The following CELA3A variants were observed in gnomAD, a reference collection of about 807,000 sequenced individuals.
CELA3A encodes chymotrypsin-like elastase family member 3A.
A neutral mutation model predicts 38.6 loss-of-function variants in CELA3A; 35 were observed. The observed-to-expected ratio is 0.91, with a 90% CI of 0.69 to 1.20. The LOEUF (loss-of-function observed/expected upper bound fraction) is 1.20, where lower values mean the gene tolerates loss of function less well. Among genes scored for constraint, CELA3A ranks in the 50% most tolerant of loss-of-function variants. CELA3A has a pLI of 0.00. For missense variants in CELA3A, 343 were observed against 354.2 expected (o/e 0.97, Z 0.25); for synonymous variants, 143 against 136.7 (o/e 1.05, Z -0.32).
At chr1:22,007,035 C>T in intron 5 of CELA3A, 21 bp downstream of exon 5, 1 of 1,610,196 alleles carries the variant, frequency 6.2e-7, no homozygotes, top group East Asian at 2.2e-5. Context: ...ACTTCTCTAG[C>T]TGGCCACAGA....
intron 2 of CELA3A, among the ~76,000 whole-genome samples, chr1:22,004,221 G>A (rs4543770): frequency 0.044 from 6,548 of 150,320 alleles, 490 homozygotes; most frequent in African/African-American, 0.12. Flanking sequence ...ACAGGCATGC[G>A]CCACCATGCC....
At chr1:22,003,477 G>GTGGAA (rs1644930159) in intron 2 of CELA3A, among the ~76,000 whole-genome samples, 3 of 150,742 alleles carry the variant, frequency 2.0e-5, no homozygotes, top group Admixed American at 6.6e-5. Flanking sequence ...GGCCAGTGGA[G>GTGGAA]GGAAGCTCAG....
At chr1:22,010,886 G>T in intron 7 of CELA3A, 1 of 149,526 alleles carries the variant, frequency 6.7e-6, no homozygotes, top group South Asian at 2.1e-4. Context: ...AAAGTAGTAG[G>T]ATCACACCTG....
chr1:22,004,716 T>C (rs571300571), intron 2 of CELA3A, among the ~76,000 whole-genome samples: 2 of 151,540 alleles, frequency 1.3e-5, no homozygotes, highest in South Asian at 4.2e-4. Context: ...AAAATCAGAA[T>C]GTGTAGGAAA....
At chr1:22,004,105 T>C (rs1366150313) in intron 2 of CELA3A, among the ~76,000 whole-genome samples, 2 of 144,566 alleles carry the variant, frequency 1.4e-5, no homozygotes, top group African/African-American at 5.2e-5. Flanking sequence ...AGGGTCTTGC[T>C]GTGTTGCCCA....
Position 22,003,063 on chromosome 1 carries a change from C to T in CELA3A, c.104C>T (p.Ala35Val), listed in dbSNP as rs550611930. ...AGCCGCGTTGTCCATGGTGAGGATG[C>T]GGTCCCCTACAGCTGGCCCTGGCAG... ...SSSRVVHGED[A>V]VPYSWPWQVS... The change falls in exon 2 of 8, where the codon GCG becomes GTG. Residue 35 changes from alanine to valine, a missense_variant. Physicochemically the swap from Ala to Val is moderately conservative, Grantham distance 64. Coordinates refer to ENST00000290122, the MANE Select transcript of CELA3A (RefSeq NM_005747.5). 1.4e-5 allele frequency: 22 copies of T among 1,574,958 alleles called. 2 individuals are homozygous for T. Among genetic ancestry groups the T allele is most frequent in the African/African-American group, 3.4e-5 (2 of 58,996 alleles).
intron 2 of CELA3A, among the ~76,000 whole-genome samples, chr1:22,005,184 A>T (rs909195088): frequency 6.6e-6 from 1 of 151,454 alleles, no homozygotes; most frequent in Admixed American, 6.6e-5. Flanking sequence ...AAGGTAGAGA[A>T]TGTTGGGGTC....
rs749814472 is a variant in CELA3A, at chr1:22,006,907, G to T, written c.392G>T (p.Arg131Leu). ...GNDIALIKLSRSAQLGDAVQL... is the reference protein window; with the variant it reads ...GNDIALIKLSLSAQLGDAVQL... ...GACATCGCCCTCATCAAGCTCTCAC[G>T]CAGCGCCCAGCTGGGAGATGCCGTC... Residue 131 changes from arginine (R) to leucine (L), a missense_variant, in exon 5 of 8, where the codon CGC becomes CTC. Transcript: ENST00000290122. 1.9e-6 allele frequency: 3 copies of T among 1,612,238 alleles called. No individual in the cohort carries two copies. The highest frequency in any genetic ancestry group is 1.7e-6 in the Non-Finnish European group (2 of 1,179,400).
At chr1:22,007,151 C>G (rs1382306710) in intron 5 of CELA3A, 137 bp downstream of exon 5, 4 of 1,430,708 alleles carry the variant, frequency 2.8e-6, no homozygotes, top group South Asian at 2.8e-5. Flanking sequence ...CTTCTTCCAT[C>G]AACCTCCAAA....
chr1:22,004,785 C>T (rs1344596367), intron 2 of CELA3A, among the ~76,000 whole-genome samples: 3 of 150,694 alleles, frequency 2.0e-5, no homozygotes, highest in African/African-American at 7.4e-5. Context: ...CTCAAGAGGC[C>T]TTGAAAGAGC....
At position 22,003,466 on chromosome 1, in the gene CELA3A, A is replaced by C. The variant is rs536478266; in HGVS notation, c.129+378A>C. ...CAATAAGGGAGTGAGGGATCTTGTA[A>C]GGCCAGTGGAGGGAAGCTCAGAAGG... is the stretch of plus-strand genomic sequence containing the variant. On this transcript the variant is annotated intron_variant, in intron 2 of 7. Transcript: ENST00000290122. Among the ~76,000 whole-genome samples, 279 of 150,882 alleles carry C rather than the reference A, an allele frequency of 1.8e-3. 6 individuals carry two copies. The highest frequency in any genetic ancestry group is 3.6e-3 in the Admixed American group (54 of 15,180).
At chr1:22,009,258 G>A (rs1327305010) in intron 6 of CELA3A, among the ~76,000 whole-genome samples, 3 of 151,490 alleles carry the variant, frequency 2.0e-5, no homozygotes, top group African/African-American at 7.3e-5. Context: ...CAGCTACTTG[G>A]GAGGCTGAGG....
At chr1:22,002,184 T>C (rs923928477) in intron 1 of CELA3A, among the ~76,000 whole-genome samples, 7 of 151,118 alleles carry the variant, frequency 4.6e-5, no homozygotes, top group Non-Finnish European at 8.8e-5. Flanking sequence ...ACAGATAACA[T>C]TGATTGAGTG....
intron 6 of CELA3A, 100 bp from the exon 7 acceptor site, chr1:22,009,605 G>A: frequency 3.5e-6 from 5 of 1,447,128 alleles, no homozygotes; most frequent in Non-Finnish European, 4.7e-6. Context: ...GCTCAGAGGT[G>A]TCAAGTAATG....
At chr1:22,006,233 T>C (rs1371850027) in intron 4 of CELA3A, among the ~76,000 whole-genome samples, 1 of 151,750 alleles carries the variant, frequency 6.6e-6, no homozygotes, top group East Asian at 1.9e-4. Context: ...ACTCTGTGTA[T>C]GGCCTGAGCA....
At position 22,009,029 on chromosome 1, in the gene CELA3A, C is replaced by CA. The variant is rs1644967944; in HGVS notation, c.643-675dup. On this transcript the variant is annotated intron_variant, in intron 6 of 7. Coordinates refer to ENST00000290122, the MANE Select transcript of CELA3A (RefSeq NM_005747.5). ...CCCCGGCAGGTGGATCACCTGAGGT[C>CA]AGGACTTTGAGACTAACCTGGCCAA... 2.6e-5 allele frequency among the ~76,000 whole-genome samples: 4 copies of CA among 151,770 alleles called. No individual in the cohort carries two copies. The South Asian group carries it at 8.3e-4, about 32-fold the overall frequency.
intron 2 of CELA3A, among the ~76,000 whole-genome samples, chr1:22,004,160 C>T (rs1247572219): frequency 6.7e-6 from 1 of 148,554 alleles, no homozygotes; most frequent in East Asian, 2.0e-4. Flanking sequence ...CAGCCTTGAC[C>T]TCCTAGGTCC....
At chr1:22,002,622 T>C (rs1468528196) in intron 1 of CELA3A, 1 of 457,784 alleles carries the variant, frequency 2.2e-6, no homozygotes, top group Non-Finnish European at 4.4e-6. Flanking sequence ...GGATTACAGG[T>C]GTGAACCACC....
At chr1:22,010,400 C>CCT in intron 7 of CELA3A, among the ~76,000 whole-genome samples, 1 of 150,934 alleles carries the variant, frequency 6.6e-6, no homozygotes, top group East Asian at 2.0e-4. Context: ...AGGTGGATCA[C>CCT]GAGGTTAGGA....
Sources: allele counts gnomAD v4.1 joint callset (sites outside exome capture counted in the v4.1 genomes callset), GRCh38; gene constraint gnomAD v4.1.1; transcripts MANE v1.5; gene names NCBI Gene and HGNC (gene_info 2026-07-23, HGNC 2026-07-21).